Variants in EVX1 observed in about 807,000 individuals in gnomAD.
EVX1 encodes the protein even-skipped homeobox 1, also known as homeobox even-skipped homolog protein 1.
A neutral mutation model predicts 28.6 loss-of-function variants in EVX1; 19 were observed. The ratio of observed to expected loss-of-function variants is 0.67; its 90% CI spans 0.46 to 0.98. EVX1 has a LOEUF of 0.98. Ranked by LOEUF, EVX1 falls within the 50% of genes least tolerant of loss-of-function variation. EVX1 has a pLI of 0.00. For synonymous variants in EVX1, 324 were observed against 278.2 expected (o/e 1.16, Z -1.64); for missense variants, 660 against 583.0 (o/e 1.13, Z -1.36).
At position 27,245,233 on chromosome 7, in the gene EVX1, G is replaced by C. The variant is rs1424357529; in HGVS notation, c.613G>C (p.Glu205Gln). The change falls in exon 2 of 3, where the codon GAG becomes CAG. Residue 205 changes from glutamate (E) to glutamine (Q), a missense_variant. Transcript: ENST00000496902. Reference protein sequence around the residue: ...IARLEKEFYRENYVSRPRRCE... With the variant: ...IARLEKEFYRQNYVSRPRRCE... The stretch of plus-strand genomic sequence containing the variant: ...GCGGCTGGAGAAGGAATTCTACCGG[G>C]AGAACTACGTATCCAGGCCGCGGAG... The C allele has an allele frequency of 6.2e-7, 1 of 1,613,490 alleles. No homozygotes were observed. The highest frequency in any genetic ancestry group is 8.5e-7 in the Non-Finnish European group (1 of 1,180,060).
rs747551402 is a variant in EVX1 at position 27,245,999 on chromosome 7, G to C, written c.798G>C (p.Ala266=). The C allele has an allele frequency of 6.2e-7, 1 of 1,601,536 alleles. No homozygotes were observed. Among genetic ancestry groups the C allele is most frequent in the Middle Eastern group, 1.7e-4 (1 of 6,050 alleles). Reference sequence around the variant, plus strand: ...ACATGATGAGCCATGCGGCGGCCGCGGGCGGCCTGCCCTACCCCTTCCCAT... The same window carrying C: ...ACATGATGAGCCATGCGGCGGCCGCCGGCGGCCTGCCCTACCCCTTCCCAT... The part of the protein sequence containing the change: ...YTYMMSHAAA[A]GGLPYPFPSH... The change falls in exon 3 of 3, where the codon GCG becomes GCC. Residue 266 remains alanine, a synonymous_variant. Coordinates refer to ENST00000496902, the MANE Select transcript of EVX1 (RefSeq NM_001989.5).
rs908329642 is a variant in EVX1, at chr7:27,245,423, G to C, written c.684+119G>C. On this transcript the variant is annotated intron_variant, in intron 2 of 2. Transcript: ENST00000496902. ...TGGGCCTGGGGTCTCCCTGCCCGGC[G>C]CGTGCAGATTGACCCTCGTGACAGC... 2.1e-6 allele frequency: 3 copies of C among 1,423,094 alleles called. No homozygotes were observed. In the African/African-American group the frequency reaches 4.2e-5, roughly 20 times the overall value. The allele number at this position is 1,423,094 out of a possible 1,614,324, so 88.2% of individuals were successfully genotyped here.
In EVX1 at chr7:27,246,437, C is replaced by G; in HGVS notation, c.*12C>G. ...CCCTCACTAGATAAGGGGCCGCCGG[C>G]TGGCTGCCGGCTCCATGACGCCCGT... On this transcript the variant is annotated 3_prime_UTR_variant, in exon 3 of 3. Coordinates refer to ENST00000496902, the MANE Select transcript of EVX1 (RefSeq NM_001989.5). 2 of 1,586,882 alleles carry G rather than the reference C, an allele frequency of 1.3e-6. No individual in the cohort carries two copies. Among genetic ancestry groups the G allele is most frequent in the East Asian group, 4.6e-5 (2 of 43,340 alleles).
rs1296527007 is a variant in EVX1, at chr7:27,246,462, T to C, written c.*37T>C. ...CTGGCTGCCGGCTCCATGACGCCCG[T>C]GGGGTCACCCCCCGGCCCCGGGACT... On this transcript the variant is annotated 3_prime_UTR_variant, in exon 3 of 3. Coordinates refer to ENST00000496902, the MANE Select transcript of EVX1 (RefSeq NM_001989.5). The C allele has an allele frequency of 1.9e-6, 3 of 1,560,844 alleles. No homozygotes were observed. Among genetic ancestry groups the C allele is most frequent in the Admixed American group, 1.8e-5 (1 of 55,896 alleles).
At position 27,242,890 on chromosome 7, in the gene EVX1, C is replaced by A. The variant is rs946711393; in HGVS notation, c.-141C>A. Reference sequence around the variant, plus strand: ...CCGCGGTCGCGGTCCAGACCGCGCTCCAGCAGCTCCGCGCCCTCCCAGGCA... The same window carrying A: ...CCGCGGTCGCGGTCCAGACCGCGCTACAGCAGCTCCGCGCCCTCCCAGGCA... On this transcript the variant is annotated 5_prime_UTR_variant, in exon 1 of 3. Coordinates refer to ENST00000496902, the MANE Select transcript of EVX1 (RefSeq NM_001989.5). The A allele has an allele frequency of 2.6e-5, 25 of 978,948 alleles. No homozygotes were observed. The highest frequency in any genetic ancestry group is 5.8e-6 in the Non-Finnish European group (4 of 694,256). The allele number at this position is 978,948 out of a possible 1,614,324, so 60.6% of individuals were successfully genotyped here. A position where few individuals can be genotyped will look rare whatever the true frequency, so the allele number is the denominator to read the frequency against.
Position 27,243,150 on chromosome 7 carries a change from GA to G in EVX1, c.124del (p.Met42TrpfsTer7). ...VGSPLPEPPE[K>X]MVPRGCLSPR... ...GCAGCCCGCTGCCGGAGCCGCCCGA[GA>G]AAATGGTGCCCCGTGGTTGCCTGAG... is the stretch of plus-strand genomic sequence containing the variant. On this transcript the variant is annotated frameshift_variant, in exon 1 of 3. Transcript: ENST00000496902. LOFTEE classifies it high-confidence loss of function. The G allele has an allele frequency of 1.3e-6, 2 of 1,598,958 alleles. No homozygotes were observed. The highest frequency in any genetic ancestry group is 1.7e-5 in the Admixed American group (1 of 57,864).
chr7:27,246,071 A>ATCCGCCGCC lies in EVX1; in HGVS notation c.880_888dup (p.Ser294_Ala296dup), dbSNP rs772814612. ...ACTCGCCGGTGGGCCTGGGCGCCGC[A>ATCCGCCGCC]TCCGCCGCCTCCGCCGCCGCCTCGC... On this transcript the variant is annotated inframe_insertion, in exon 3 of 3. Transcript: ENST00000496902. 2,228 of 1,579,698 alleles carry ATCCGCCGCC rather than the reference A, an allele frequency of 1.4e-3. 1 individual carries two copies. The highest frequency in any genetic ancestry group is 2.7e-3 in the Middle Eastern group (16 of 5,902).
chr7:27,246,749 G>A lies in EVX1; in HGVS notation c.*324G>A, dbSNP rs574277735. ...AGCTAAACAAAACTTAGCAGCAACAGCAACCAATATCCAGTCCCTCGGCCC... is the reference window on the plus strand; with the variant it reads ...AGCTAAACAAAACTTAGCAGCAACAACAACCAATATCCAGTCCCTCGGCCC... On this transcript the variant is annotated 3_prime_UTR_variant, in exon 3 of 3. Transcript: ENST00000496902. The A allele has an allele frequency of 1.0e-4, 40 of 392,494 alleles. 1 individual carries two copies. In the South Asian group the frequency reaches 1.2e-3, roughly 12 times the overall value. The allele number at this position is 392,494 out of a possible 1,614,324, so 24.3% of individuals were successfully genotyped here.
chr7:27,246,477 GC>G lies in EVX1; in HGVS notation c.*56del. 1 of 1,532,408 alleles carries G rather than the reference GC, an allele frequency of 6.5e-7. No individual in the cohort carries two copies. 94.9% of individuals were successfully genotyped at this position (1,532,408 alleles called of 1,614,324 possible). ...ATGACGCCCGTGGGGTCACCCCCCGGCCCCGGGACTCAGCCAGCCTCGCTCC... is the reference window on the plus strand; with the variant it reads ...ATGACGCCCGTGGGGTCACCCCCCGGCCCGGGACTCAGCCAGCCTCGCTCC... On this transcript the variant is annotated 3_prime_UTR_variant, in exon 3 of 3. Coordinates refer to ENST00000496902, the MANE Select transcript of EVX1 (RefSeq NM_001989.5).
chr7:27,244,884 T>C (rs75185414), intron 1 of EVX1, among the ~76,000 whole-genome samples, 164 bp from the exon 2 acceptor site: 2,335 of 152,310 alleles, frequency 0.015, 53 homozygotes, highest in African/African-American at 0.053. Context: ...TTTTCCCTTC[T>C]TGGGTTCCCC....
Position 27,246,738 on chromosome 7 carries a change from T to G in EVX1, c.*313T>G. ...TGTAGCTCCAAAGCTAAACAAAACT[T>G]AGCAGCAACAGCAACCAATATCCAG... On this transcript the variant is annotated 3_prime_UTR_variant, in exon 3 of 3. Transcript: ENST00000496902. 3.9e-5 allele frequency: 15 copies of G among 382,124 alleles called. No homozygotes were observed. Among genetic ancestry groups the G allele is most frequent in the East Asian group, 2.3e-4 (4 of 17,542 alleles). 23.7% of individuals were successfully genotyped at this position (382,124 alleles called of 1,614,324 possible).
chr7:27,245,864 C>A, intron 2 of EVX1, 22 bp from the exon 3 acceptor site: 1 of 1,604,448 alleles, frequency 6.2e-7, no homozygotes, highest in Non-Finnish European at 8.5e-7. Flanking sequence ...AGCTACTGAA[C>A]CTGCTCCGCT....
rs1306710335 is a variant in EVX1, at chr7:27,243,103, T to G, written c.73T>G (p.Ser25Ala). Reference protein sequence around the residue: ...QLGTLVGKRVSNLSEAVGSPL... With the variant: ...QLGTLVGKRVANLSEAVGSPL... Reference sequence around the variant, plus strand: ...TGGCACTCTGGTTGGCAAGAGAGTCTCAAATTTGTCCGAAGCCGTGGGCAG... The same window carrying G: ...TGGCACTCTGGTTGGCAAGAGAGTCGCAAATTTGTCCGAAGCCGTGGGCAG... Residue 25 changes from serine (S) to alanine (A), a missense_variant, in exon 1 of 3, where the codon TCA (serine) becomes GCA (alanine). By Grantham distance (99) the Ser-to-Ala change is moderately conservative. Transcript: ENST00000496902. 1 of 1,612,226 alleles carries G rather than the reference T, an allele frequency of 6.2e-7. No homozygotes were observed. The highest frequency in any genetic ancestry group is 8.5e-7 in the Non-Finnish European group (1 of 1,179,286).
intron 1 of EVX1, chr7:27,244,439 T>G: frequency 2.2e-5 from 22 of 982,042 alleles, no homozygotes; most frequent in Non-Finnish European, 2.7e-5. Flanking sequence ...CACCTACCCC[T>G]TACTATCTTA....
intron 1 of EVX1, chr7:27,243,727 G>A (rs1783091544): frequency 2.4e-6 from 1 of 414,416 alleles, no homozygotes; most frequent in Non-Finnish European, 4.3e-6. Flanking sequence ...CTCACCCCAA[G>A]CACCCAGTGT....
In EVX1 at chr7:27,243,008, C is replaced by T; in HGVS notation, c.-23C>T. 1 of 1,532,106 alleles carries T rather than the reference C, an allele frequency of 6.5e-7. No individual in the cohort carries two copies. Among genetic ancestry groups the T allele is most frequent in the Non-Finnish European group, 8.8e-7 (1 of 1,139,654 alleles). 94.9% of individuals were successfully genotyped at this position (1,532,106 alleles called of 1,614,324 possible). ...TTAGGAACTCACTTGGGGCTTTCCC[C>T]TCCCCCACCGGAGAGCCCCGGGATG... On this transcript the variant is annotated 5_prime_UTR_variant, in exon 1 of 3. Coordinates refer to ENST00000496902, the MANE Select transcript of EVX1 (RefSeq NM_001989.5).
rs1398366276 is a variant in EVX1, at chr7:27,246,118, C to T, written c.917C>T (p.Pro306Leu). Residue 306 changes from proline to leucine, a missense_variant, in exon 3 of 3, where the codon CCG becomes CTG. By Grantham distance (98) the Pro-to-Leu change is moderately conservative. Coordinates refer to ENST00000496902, the MANE Select transcript of EVX1 (RefSeq NM_001989.5). ...AASPFSGSLR[P>L]LDTFRVLSQP... ...TCGCCCTTCAGCGGCTCGCTGCGCC[C>T]GCTCGACACGTTCCGCGTGCTGTCG... 6.5e-7 allele frequency: 1 copy of T among 1,541,266 alleles called. No individual in the cohort carries two copies. The highest frequency in any genetic ancestry group is 1.4e-5 in the African/African-American group (1 of 71,210).
In EVX1 at chr7:27,243,211, G is replaced by T. The variant is rs1441318896; in HGVS notation, c.181G>T (p.Gly61Cys). Residue 61 changes from glycine (G) to cysteine (C), a missense_variant, in exon 1 of 3, where the codon GGC (glycine) becomes TGC (cysteine). Transcript: ENST00000496902. ...CGTCCCTCCGGCCACCCGGGAGCGC[G>T]GCGGGGGAGGCCCGGAGGAGGAGCC... ...RAVPPATRER[G>C]GGGPEEEPVD... 1.3e-6 allele frequency: 2 copies of T among 1,553,752 alleles called. No individual in the cohort carries two copies. Among genetic ancestry groups the T allele is most frequent in the South Asian group, 1.2e-5 (1 of 84,784 alleles).
Position 27,243,120 on chromosome 7 carries a change from C to A in EVX1, c.90C>A (p.Ala30=), listed in dbSNP as rs1485020103. The A allele has an allele frequency of 2.5e-6, 4 of 1,611,096 alleles. No homozygotes were observed. Among genetic ancestry groups the A allele is most frequent in the Non-Finnish European group, 2.5e-6 (3 of 1,178,812 alleles). ...VGKRVSNLSE[A]VGSPLPEPPE... is the part of the protein sequence containing the mutation. ...AGAGAGTCTCAAATTTGTCCGAAGC[C>A]GTGGGCAGCCCGCTGCCGGAGCCGC... Residue 30 remains alanine (A), a synonymous_variant, in exon 1 of 3, where the codon GCC becomes GCA. Transcript: ENST00000496902.
Sources: allele counts gnomAD v4.1 joint callset (sites outside exome capture counted in the v4.1 genomes callset), GRCh38; gene constraint gnomAD v4.1.1; transcripts MANE v1.5; gene names NCBI Gene and HGNC (gene_info 2026-07-23, HGNC 2026-07-21).